RIMS1: variants seen among roughly 807,000 people sequenced by gnomAD.
RIMS1 encodes regulating synaptic membrane exocytosis 1.
RIMS1 carries 83 observed loss-of-function variants against 214.1 expected under a neutral mutation model. The observed-to-expected ratio is 0.39, with a 90% CI of 0.32 to 0.47. The LOEUF (loss-of-function observed/expected upper bound fraction) is 0.47, where lower values mean the gene tolerates loss of function less well. Ranked by LOEUF, RIMS1 falls within the 20% of genes least tolerant of loss-of-function variation. RIMS1 has a pLI of 0.99. For missense variants in RIMS1, 2,050 were observed against 2,161.8 expected, an observed-to-expected ratio of 0.95 and a Z score of 1.03; for synonymous variants, 793 against 786.8, an observed-to-expected ratio of 1.01 and a Z score of -0.13.
intron 10 of RIMS1, among the ~76,000 whole-genome samples, chr6:72,242,802 A>G (rs991996360): frequency 6.6e-6 from 1 of 151,840 alleles, no homozygotes; most frequent in African/African-American, 2.4e-5. Context: ...TCTTCTTGTG[A>G]TATTTAAAAT....
chr6:71,943,234 G>C (rs1280567018), intron 1 of RIMS1, among the ~76,000 whole-genome samples: 1 of 151,972 alleles, frequency 6.6e-6, no homozygotes, highest in Non-Finnish European at 1.5e-5. Flanking sequence ...TTTCTAATTT[G>C]GTTACCATAA....
intron 23 of RIMS1, among the ~76,000 whole-genome samples, chr6:72,278,397 A>G (rs1171231380): frequency 3.3e-5 from 5 of 152,074 alleles, no homozygotes. Flanking sequence ...TATACCTATT[A>G]GTTGGTAGCA....
chr6:71,965,804 C>G (rs1182486563), intron 1 of RIMS1, among the ~76,000 whole-genome samples: 1 of 152,132 alleles, frequency 6.6e-6, no homozygotes, highest in Non-Finnish European at 1.5e-5. Flanking sequence ...AATTCCTAGT[C>G]CTTCAATCCG....
intron 2 of RIMS1, among the ~76,000 whole-genome samples, chr6:72,041,472 G>A (rs752042255): frequency 6.6e-5 from 10 of 151,856 alleles, no homozygotes; most frequent in Non-Finnish European, 1.2e-4. Flanking sequence ...CTATTAAAAA[G>A]CGGAAAAATG....
chr6:72,268,332 GA>G (rs1415689340), intron 22 of RIMS1, among the ~76,000 whole-genome samples: 1 of 152,116 alleles, frequency 6.6e-6, no homozygotes, highest in Non-Finnish European at 1.5e-5. Flanking sequence ...TTACCGCAGG[GA>G]TTATTGTATT....
At chr6:71,962,966 TCTGATGTCA>T (rs1226828654) in intron 1 of RIMS1, among the ~76,000 whole-genome samples, 4 of 152,176 alleles carry the variant, frequency 2.6e-5, no homozygotes, top group African/African-American at 4.8e-5. Flanking sequence ...AGCTCAATAT[TCTGATGTCA>T]CCATTGTTCT....
At chr6:72,296,168 T>A (rs571955143) in intron 26 of RIMS1, among the ~76,000 whole-genome samples, 10 of 151,926 alleles carry the variant, frequency 6.6e-5, no homozygotes, top group Non-Finnish European at 1.5e-4. Flanking sequence ...ACTTTAAAAT[T>A]AATGTTTTTT....
At chr6:72,292,302 C>T (rs1189620588) in intron 26 of RIMS1, among the ~76,000 whole-genome samples, 2 of 151,976 alleles carry the variant, frequency 1.3e-5, no homozygotes, top group Admixed American at 6.6e-5. Context: ...GGGCTAGAAA[C>T]ATCTTATTCC....
intron 24 of RIMS1, among the ~76,000 whole-genome samples, chr6:72,286,000 C>A (rs1181761117): frequency 6.6e-6 from 1 of 152,082 alleles, no homozygotes; most frequent in Non-Finnish European, 1.5e-5. Flanking sequence ...GAGTTTGAGA[C>A]TAACCTGACC....
At chr6:72,161,645 C>A (rs4320320) in intron 4 of RIMS1, among the ~76,000 whole-genome samples, 121,719 of 138,222 alleles carry the variant, frequency 0.88, 55,854 homozygotes, top group East Asian at 1. Context: ...TTCGTTATGT[C>A]CCCAGTAGTC....
intron 2 of RIMS1, among the ~76,000 whole-genome samples, chr6:72,049,598 G>A (rs1366236237): frequency 2.0e-5 from 3 of 152,164 alleles, no homozygotes; most frequent in African/African-American, 7.2e-5. Flanking sequence ...ACTGAGGTAC[G>A]AGGTAAGGTC....
chr6:71,896,717 C>G (rs1219430318), intron 1 of RIMS1, among the ~76,000 whole-genome samples: 2 of 152,098 alleles, frequency 1.3e-5, no homozygotes, highest in African/African-American at 2.4e-5. Context: ...GGTGAAGAAT[C>G]TTTTGAAGCT....
intron 4 of RIMS1, among the ~76,000 whole-genome samples, chr6:72,105,235 T>C (rs1441472000): frequency 2.0e-5 from 3 of 152,120 alleles, no homozygotes; most frequent in Non-Finnish European, 4.4e-5. Context: ...CAGCAGTCTT[T>C]TTATTCATTT....
At chr6:72,037,531 T>C (rs1214531234) in intron 2 of RIMS1, among the ~76,000 whole-genome samples, 99 of 152,106 alleles carry the variant, frequency 6.5e-4, no homozygotes, top group East Asian at 9.7e-4. Context: ...AACAGCTTTA[T>C]TGAGGTGTAA....
intron 4 of RIMS1, among the ~76,000 whole-genome samples, chr6:72,143,320 G>A (rs184663430): frequency 4.8e-4 from 73 of 152,272 alleles, no homozygotes; most frequent in Non-Finnish European, 9.9e-4. Flanking sequence ...TTCAATTTGA[G>A]CCATATCAAA....
intron 29 of RIMS1, among the ~76,000 whole-genome samples, chr6:72,359,217 C>T (rs901743852): frequency 6.6e-6 from 1 of 152,138 alleles, no homozygotes; most frequent in Admixed American, 6.5e-5. Flanking sequence ...GATGGTGGAT[C>T]CTTGCACCAA....
At chr6:72,027,431 A>G (rs139942173) in intron 2 of RIMS1, among the ~76,000 whole-genome samples, 80 of 152,338 alleles carry the variant, frequency 5.3e-4, no homozygotes, top group Middle Eastern at 3.4e-3. Flanking sequence ...TATGACACAT[A>G]TAACAGGTAC....
chr6:72,060,349 A>G (rs893427860), intron 2 of RIMS1, among the ~76,000 whole-genome samples: 2 of 152,152 alleles, frequency 1.3e-5, no homozygotes, highest in Admixed American at 6.5e-5. Context: ...ATTTCAGTGC[A>G]TCCTACACTC....
chr6:72,247,402 G>T (rs1193036872), intron 11 of RIMS1, among the ~76,000 whole-genome samples: 4 of 151,962 alleles, frequency 2.6e-5, no homozygotes, highest in Non-Finnish European at 5.9e-5. Flanking sequence ...GGACGTGTTG[G>T]TGCATGCCTG....
Sources: gnomAD v4.1 joint callset for allele counts (sites outside exome capture counted in the v4.1 genomes callset) on GRCh38, gnomAD v4.1.1 for gene constraint, MANE v1.5 for transcripts, NCBI Gene and HGNC (gene_info 2026-07-23, HGNC 2026-07-21) for gene names.